CNTNAP2: variants seen among roughly 807,000 people sequenced by gnomAD.
CNTNAP2 encodes contactin-associated protein-like 2.
CNTNAP2 carries 98 observed loss-of-function variants against 155.2 expected under a neutral mutation model. That is an observed-to-expected ratio of 0.63 (90% CI 0.54 to 0.75). The LOEUF (loss-of-function observed/expected upper bound fraction) is 0.75, where lower values mean the gene tolerates loss of function less well. CNTNAP2 is among the 30% of genes least tolerant of loss of function. The pLI, the probability that CNTNAP2 is intolerant of heterozygous loss-of-function variation, is 0.00. For synonymous variants in CNTNAP2, 651 were observed against 631.2 expected (o/e 1.03, Z -0.47); for missense variants, 1,727 against 1,688.1 (o/e 1.02, Z -0.40).
chr7:146,777,338 C>G (rs150690450), intron 2 of CNTNAP2, among the ~76,000 whole-genome samples: 1 of 152,186 alleles, frequency 6.6e-6, no homozygotes, highest in Admixed American at 6.5e-5. Context: ...CCCTCCCCAA[C>G]GCTCTCATTT....
At chr7:147,763,694 C>T (rs1390671084) in intron 13 of CNTNAP2, among the ~76,000 whole-genome samples, 1 of 152,148 alleles carries the variant, frequency 6.6e-6, no homozygotes, top group African/African-American at 2.4e-5. Flanking sequence ...CAAGCCAAGC[C>T]CTTCTTGCTT....
intron 3 of CNTNAP2, among the ~76,000 whole-genome samples, chr7:146,878,963 G>C (rs1795484520): frequency 6.6e-6 from 1 of 152,126 alleles, no homozygotes; most frequent in South Asian, 2.1e-4. Context: ...TTTGTTTAAT[G>C]CCTTTCTTCA....
At chr7:148,209,875 G>A (rs904989440) in intron 18 of CNTNAP2, among the ~76,000 whole-genome samples, 2 of 152,064 alleles carry the variant, frequency 1.3e-5, no homozygotes, top group Admixed American at 1.3e-4. Context: ...TGTCATCTTG[G>A]CCTCCACTAC....
At chr7:146,163,349 G>C (rs1798254465) in intron 1 of CNTNAP2, among the ~76,000 whole-genome samples, 4 of 151,104 alleles carry the variant, frequency 2.6e-5, no homozygotes, top group Non-Finnish European at 4.4e-5. Context: ...TGAGGTGGGA[G>C]GATCACCTGA....
At chr7:147,851,599 A>T (rs181281572) in intron 13 of CNTNAP2, among the ~76,000 whole-genome samples, 1 of 152,246 alleles carries the variant, frequency 6.6e-6, no homozygotes, top group African/African-American at 2.4e-5. Context: ...GCCATAAAAA[A>T]TGTCCTTTGC....
intron 13 of CNTNAP2, among the ~76,000 whole-genome samples, chr7:147,795,526 A>G (rs1327604190): frequency 6.6e-6 from 1 of 152,028 alleles, no homozygotes; most frequent in Non-Finnish European, 1.5e-5. Context: ...TCAGGTGGTA[A>G]GGAGAAGCAG....
At chr7:146,446,357 T>C (rs1410274253) in intron 1 of CNTNAP2, among the ~76,000 whole-genome samples, 1 of 152,106 alleles carries the variant, frequency 6.6e-6, no homozygotes, top group Non-Finnish European at 1.5e-5. Context: ...AGCTCCAAAT[T>C]ATCTAGAGAA....
chr7:147,672,007 A>G (rs1795795447), intron 13 of CNTNAP2: 1 of 152,326 alleles, frequency 6.6e-6, no homozygotes, highest in Non-Finnish European at 1.5e-5. Context: ...AAAATCAGAT[A>G]CTGGTCTGAG....
chr7:147,784,381 C>CATATATATATATAT lies in CNTNAP2; in HGVS notation c.2099-119171_2099-119158dup, dbSNP rs60221349. 4.0e-3 allele frequency among the ~76,000 whole-genome samples: 394 copies of CATATATATATATAT among 99,256 alleles called. 8 individuals carry two copies. Among genetic ancestry groups the CATATATATATATAT allele is most frequent in the South Asian group, 7.6e-3 (18 of 2,376 alleles). 65.1% of individuals were successfully genotyped at this position (99,256 alleles called of 152,430 possible). A position where few individuals can be genotyped will look rare whatever the true frequency, so the allele number is the denominator to read the frequency against. ...TTCATAGCCCTCTACAAACTAAAAA[C>CATATATATATATAT]ATATATATATATATATATATATATA... On this transcript the variant is annotated intron_variant, in intron 13 of 23. Coordinates refer to ENST00000361727, the MANE Select transcript of CNTNAP2 (RefSeq NM_014141.6).
chr7:146,266,886 A>ATT (rs58244472), intron 1 of CNTNAP2, among the ~76,000 whole-genome samples: 5 of 140,920 alleles, frequency 3.5e-5, no homozygotes, highest in African/African-American at 1.0e-4. Context: ...ACATTGCTGA[A>ATT]TTTTTTTTTT....
chr7:147,140,162 T>C (rs2129287007), intron 8 of CNTNAP2, among the ~76,000 whole-genome samples: 1 of 152,182 alleles, frequency 6.6e-6, no homozygotes, highest in South Asian at 2.1e-4. Flanking sequence ...TAGACTCTGA[T>C]GTTTTCTGAA....
chr7:147,870,993 A>G (rs1799317924), intron 13 of CNTNAP2, among the ~76,000 whole-genome samples: 1 of 152,144 alleles, frequency 6.6e-6, no homozygotes, highest in Non-Finnish European at 1.5e-5. Flanking sequence ...GCTTTCCAGC[A>G]TAGCCTTACT....
At chr7:147,983,072 T>G (rs1801559706) in intron 15 of CNTNAP2, among the ~76,000 whole-genome samples, 1 of 149,572 alleles carries the variant, frequency 6.7e-6, no homozygotes. Context: ...AATGCCTCGG[T>G]CTCCACGTTG....
chr7:146,904,336 C>CA (rs1205213033), intron 3 of CNTNAP2, among the ~76,000 whole-genome samples: 1 of 152,160 alleles, frequency 6.6e-6, no homozygotes, highest in African/African-American at 2.4e-5. Context: ...ATTGTGGCCC[C>CA]ATACCTGTAC....
chr7:147,035,918 T>G (rs764811809), intron 3 of CNTNAP2, among the ~76,000 whole-genome samples: 6 of 152,232 alleles, frequency 3.9e-5, no homozygotes, highest in Non-Finnish European at 7.3e-5. Context: ...TCTAGTACTT[T>G]ATATAGTCTC....
At chr7:146,636,516 A>G (rs902449129) in intron 1 of CNTNAP2, among the ~76,000 whole-genome samples, 1 of 152,200 alleles carries the variant, frequency 6.6e-6, no homozygotes, top group African/African-American at 2.4e-5. Flanking sequence ...CTGTGTTTAA[A>G]TAACTAAAGA....
chr7:146,329,089 A>G (rs77027036), intron 1 of CNTNAP2, among the ~76,000 whole-genome samples: 12,100 of 152,066 alleles, frequency 0.08, 1,358 homozygotes, highest in African/African-American at 0.25. Context: ...TTTATTTTTC[A>G]TTTTTAAGAA....
intron 10 of CNTNAP2, among the ~76,000 whole-genome samples, chr7:147,460,686 T>G (rs978984210): frequency 6.9e-4 from 105 of 152,348 alleles, no homozygotes; most frequent in African/African-American, 2.3e-3. Flanking sequence ...GCTTTGTTTT[T>G]TGCAGTTTAT....
intron 1 of CNTNAP2, among the ~76,000 whole-genome samples, chr7:146,519,830 A>G (rs535495947): frequency 6.6e-6 from 1 of 152,002 alleles, no homozygotes; most frequent in African/African-American, 2.4e-5. Context: ...TTCAGTAATC[A>G]TGAAACCCCA....
Sources: allele counts gnomAD v4.1 joint callset (sites outside exome capture counted in the v4.1 genomes callset), GRCh38; gene constraint gnomAD v4.1.1; transcripts MANE v1.5; gene names NCBI Gene and HGNC (gene_info 2026-07-23, HGNC 2026-07-21).